The following EVA1C variants were observed in gnomAD, a reference collection of about 807,000 sequenced individuals.
The protein encoded by EVA1C is protein eva-1 homolog C.
A neutral mutation model predicts 45.4 loss-of-function variants in EVA1C; 25 were observed. The ratio of observed to expected loss-of-function variants is 0.55; its 90% CI spans 0.40 to 0.77. The LOEUF (loss-of-function observed/expected upper bound fraction) is 0.77. Among genes scored for constraint, EVA1C ranks in the 30% least tolerant of loss-of-function variants. The pLI is 0.00. For missense variants in EVA1C, 479 were observed against 554.8 expected (o/e 0.86, Z 1.37); for synonymous variants, 190 against 221.2 (o/e 0.86, Z 1.25).
intron 1 of EVA1C, among the ~76,000 whole-genome samples, chr21:32,423,072 A>G (rs76155750): frequency 3.7e-5 from 3 of 80,164 alleles, no homozygotes; most frequent in Middle Eastern, 7.6e-3. Context: ...CTCTGTCTCA[A>G]AAAAAAAAAA....
chr21:32,507,859 G>A (rs1178656085), intron 7 of EVA1C, among the ~76,000 whole-genome samples: 8 of 151,882 alleles, frequency 5.3e-5, no homozygotes, highest in South Asian at 4.2e-4. Context: ...ATGCTTGTGC[G>A]TGTGTGCCGT....
At position 32,514,835 on chromosome 21, in the gene EVA1C, T is replaced by A. The variant is rs775050187; in HGVS notation, c.971T>A (p.Leu324Gln). ...GCAGCCCACCCGGAGAGAGCTGCCCTGCTGTTCGTGTCCAGTGTCTGCATC... is the reference window on the plus strand; with the variant it reads ...GCAGCCCACCCGGAGAGAGCTGCCCAGCTGTTCGTGTCCAGTGTCTGCATC... The part of the protein sequence containing the change: ...YIRAHPERAA[L>Q]LFVSSVCIGL... The change falls in exon 8 of 8, where the codon CTG (leucine) becomes CAG (glutamine). Residue 324 changes from leucine to glutamine, a missense_variant. Leu to Gln is a moderately radical substitution (Grantham distance 113, BLOSUM62 -2). Coordinates refer to ENST00000300255, the MANE Select transcript of EVA1C (RefSeq NM_058187.5). 7 of 1,583,092 alleles carry A rather than the reference T, an allele frequency of 4.4e-6. No individual in the cohort carries two copies. The South Asian group carries it at 8.1e-5, about 18-fold the overall frequency.
chr21:32,426,805 C>G (rs1376768549), intron 1 of EVA1C, among the ~76,000 whole-genome samples: 1 of 152,148 alleles, frequency 6.6e-6, no homozygotes, highest in Admixed American at 6.5e-5. Flanking sequence ...AGTCACAACT[C>G]TACTTAAAAT....
At chr21:32,477,222 C>T (rs139201171) in intron 4 of EVA1C, among the ~76,000 whole-genome samples, 3,370 of 152,208 alleles carry the variant, frequency 0.022, 60 homozygotes, top group Middle Eastern at 0.071. Flanking sequence ...ATGACAGATA[C>T]CAGGTTTCTC....
intron 4 of EVA1C, among the ~76,000 whole-genome samples, chr21:32,489,091 G>A (rs2037071636): frequency 6.6e-6 from 1 of 152,296 alleles, no homozygotes; most frequent in African/African-American, 2.4e-5. Context: ...CCTTTATTGT[G>A]CAGAAGCTTT....
intron 3 of EVA1C, among the ~76,000 whole-genome samples, chr21:32,464,291 TA>T (rs2036099581): frequency 6.6e-6 from 1 of 152,198 alleles, no homozygotes; most frequent in Non-Finnish European, 1.5e-5. Context: ...CGTGTTAAAC[TA>T]CCAGGGCAGG....
At chr21:32,511,217 A>G (rs2037937317) in intron 7 of EVA1C, among the ~76,000 whole-genome samples, 4 of 152,142 alleles carry the variant, frequency 2.6e-5, no homozygotes, top group Non-Finnish European at 4.4e-5. Context: ...GGAGTTCAAG[A>G]CCAGCCTGGC....
intron 5 of EVA1C, chr21:32,497,339 T>C (rs1428738741): frequency 7.6e-6 from 4 of 528,262 alleles, no homozygotes; most frequent in Non-Finnish European, 1.0e-5. Flanking sequence ...AATGGGTCCG[T>C]TGAGCCAAGA....
intron 1 of EVA1C, among the ~76,000 whole-genome samples, chr21:32,440,978 T>C (rs752250857): frequency 6.6e-6 from 1 of 152,166 alleles, no homozygotes; most frequent in Non-Finnish European, 1.5e-5. Context: ...GGCACATGCC[T>C]GTAATCCCAG....
At chr21:32,510,120 C>T (rs574528455) in intron 7 of EVA1C, among the ~76,000 whole-genome samples, 15 of 143,772 alleles carry the variant, frequency 1.0e-4, no homozygotes, top group African/African-American at 3.9e-4. Context: ...GTGATCTTGG[C>T]TCACTGCAAC....
At chr21:32,468,085 G>A (rs555214369) in intron 4 of EVA1C, 23 of 197,142 alleles carry the variant, frequency 1.2e-4, no homozygotes, top group African/African-American at 4.9e-4. Flanking sequence ...AAAAGAACAA[G>A]AACTGGCCGG....
At chr21:32,413,663 G>GA (rs2033921536) in intron 1 of EVA1C, among the ~76,000 whole-genome samples, 1 of 152,214 alleles carries the variant, frequency 6.6e-6, no homozygotes, top group Non-Finnish European at 1.5e-5. Flanking sequence ...TGGGAATCGT[G>GA]ATCCAGGCTC....
intron 2 of EVA1C, among the ~76,000 whole-genome samples, chr21:32,457,191 T>G (rs2035815177): frequency 6.6e-6 from 1 of 152,228 alleles, no homozygotes; most frequent in African/African-American, 2.4e-5. Flanking sequence ...TGAATCCTGA[T>G]GGTCACAGCT....
chr21:32,490,585 C>G (rs981513300), intron 4 of EVA1C, among the ~76,000 whole-genome samples: 1 of 152,144 alleles, frequency 6.6e-6, no homozygotes, highest in Non-Finnish European at 1.5e-5. Flanking sequence ...TATGTATATA[C>G]CACATTTTAT....
intron 5 of EVA1C, among the ~76,000 whole-genome samples, chr21:32,500,475 G>A (rs1400665095): frequency 6.6e-6 from 1 of 151,938 alleles, no homozygotes; most frequent in Non-Finnish European, 1.5e-5. Flanking sequence ...CTATTGAGGT[G>A]TTATTTTCCT....
chr21:32,478,573 C>G (rs118096026), intron 4 of EVA1C, among the ~76,000 whole-genome samples: 2,004 of 152,336 alleles, frequency 0.013, 19 homozygotes, highest in Admixed American at 0.019. Flanking sequence ...AAAGATCTTA[C>G]AGCAGGTGGG....
chr21:32,468,094 G>A (rs1269656992), intron 4 of EVA1C: 10 of 181,042 alleles, frequency 5.5e-5, no homozygotes, highest in African/African-American at 1.9e-4. Context: ...AGAACTGGCC[G>A]GGCGCAGTGG....
chr21:32,437,460 T>C (rs2035003575), intron 1 of EVA1C, among the ~76,000 whole-genome samples: 1 of 152,188 alleles, frequency 6.6e-6, no homozygotes, highest in Non-Finnish European at 1.5e-5. Flanking sequence ...TTTTCTGCAC[T>C]GCAATCCAAC....
chr21:32,436,225 G>A (rs1325605099), intron 1 of EVA1C, among the ~76,000 whole-genome samples: 2 of 152,020 alleles, frequency 1.3e-5, no homozygotes, highest in Non-Finnish European at 2.9e-5. Flanking sequence ...CACCACACCC[G>A]CCTAATTTTT....
Sources: gnomAD v4.1 joint callset for allele counts (sites outside exome capture counted in the v4.1 genomes callset) on GRCh38, gnomAD v4.1.1 for gene constraint, MANE v1.5 for transcripts, NCBI Gene and HGNC (gene_info 2026-07-23, HGNC 2026-07-21) for gene names.